The following UGT1A10 variants were observed in gnomAD, a reference collection of about 807,000 sequenced individuals.
UGT1A10 encodes UDP-glucuronosyltransferase 1A10.
In UGT1A10, 49 loss-of-function variants were observed where a neutral mutation model predicts 45.8. The ratio of observed to expected loss-of-function variants is 1.07; its 90% CI spans 0.85 to 1.36. The LOEUF (loss-of-function observed/expected upper bound fraction) is 1.36. UGT1A10 is among the 40% of genes most tolerant of loss of function. UGT1A10 has a pLI of 0.00. For missense variants in UGT1A10, 745 were observed against 668.6 expected (o/e 1.11, Z -1.26); for synonymous variants, 284 against 249.7 (o/e 1.14, Z -1.29).
At chr2:233,670,046 C>T (rs2074150857) in intron 1 of UGT1A10, among the ~76,000 whole-genome samples, 1 of 152,086 alleles carries the variant, frequency 6.6e-6, no homozygotes, top group South Asian at 2.1e-4. Flanking sequence ...CACTAGAAGC[C>T]TTACCAATAA....
intron 1 of UGT1A10, among the ~76,000 whole-genome samples, chr2:233,764,664 G>A (rs1266153786): frequency 6.6e-6 from 1 of 152,094 alleles, no homozygotes; most frequent in African/African-American, 2.4e-5. Flanking sequence ...ATTTACCAAC[G>A]CTCAGAAGAA....
intron 1 of UGT1A10, among the ~76,000 whole-genome samples, chr2:233,696,320 C>A (rs1433749193): frequency 6.6e-6 from 1 of 152,176 alleles, no homozygotes; most frequent in African/African-American, 2.4e-5. Flanking sequence ...TGGTCTTCAT[C>A]CTCATTTCCT....
intron 1 of UGT1A10, chr2:233,760,697 T>C (rs1697532735): frequency 6.2e-7 from 1 of 1,614,264 alleles, no homozygotes; most frequent in Non-Finnish European, 8.5e-7. Context: ...AAGGAGCTCA[T>C]GGCCTCCCTG....
rs183860423 is a variant in UGT1A10 at position 233,740,220 on chromosome 2, G to A, written c.856-26814G>A. On this transcript the variant is annotated intron_variant, in intron 1 of 4. Transcript: ENST00000344644. ...TTATAAATTACCCAGTCTCAGCTGC[G>A]TCTTTATAGCAGGCTGAGAATAGAC... 6.2e-3 allele frequency among the ~76,000 whole-genome samples: 938 copies of A among 151,912 alleles called. 14 individuals are homozygous for A. The highest frequency in any genetic ancestry group is 5.9e-3 in the Non-Finnish European group (404 of 68,030).
chr2:233,768,108 G>A (rs1445815158), intron 3 of UGT1A10, 112 bp from the exon 4 acceptor site: 1 of 1,594,814 alleles, frequency 6.3e-7, no homozygotes, highest in Non-Finnish European at 8.6e-7. Flanking sequence ...GCAAATTTCT[G>A]CAAGGGCATG....
At chr2:233,668,287 T>C (rs928624388) in intron 1 of UGT1A10, among the ~76,000 whole-genome samples, 4 of 152,180 alleles carry the variant, frequency 2.6e-5, no homozygotes, top group African/African-American at 9.7e-5. Flanking sequence ...ATCCCACCTA[T>C]GAGTGAGAAC....
intron 1 of UGT1A10, among the ~76,000 whole-genome samples, chr2:233,700,884 C>T (rs1424679595): frequency 6.6e-6 from 1 of 151,996 alleles, no homozygotes; most frequent in Admixed American, 6.6e-5. Flanking sequence ...CCCCCCACCC[C>T]ACAACAGTCC....
At chr2:233,692,951 T>C in intron 1 of UGT1A10, 1 of 1,602,764 alleles carries the variant, frequency 6.2e-7, no homozygotes. Flanking sequence ...AGGAGCCCTG[T>C]GATTTGGAGA....
rs1331273154 is a variant in UGT1A10 at position 233,755,158 on chromosome 2, C to T, written c.856-11876C>T. On this transcript the variant is annotated intron_variant, in intron 1 of 4. Coordinates refer to ENST00000344644, the MANE Select transcript of UGT1A10 (RefSeq NM_019075.4). ...AATCTTCTCACCGCTTCCTCCCTGT[C>T]CTCGGGGTTTTTGTCGGGGTGCCAC... 1.2e-4 allele frequency: 159 copies of T among 1,292,482 alleles called. 2 individuals are homozygous for T. Among genetic ancestry groups the T allele is most frequent in the Non-Finnish European group, 4.6e-5 (44 of 955,692 alleles). The allele number at this position is 1,292,482 out of a possible 1,614,324, so 80.1% of individuals were successfully genotyped here.
chr2:233,743,240 T>G (rs1692244875), intron 1 of UGT1A10: 1 of 425,178 alleles, frequency 2.4e-6, no homozygotes, highest in South Asian at 1.7e-5. Context: ...TATGAAGGAC[T>G]TTAACTCAAC....
chr2:233,667,115 T>A (rs1289551295), intron 1 of UGT1A10, among the ~76,000 whole-genome samples: 2 of 152,210 alleles, frequency 1.3e-5, no homozygotes, highest in African/African-American at 4.8e-5. Context: ...AACATACGTG[T>A]GCATGTGTCT....
At chr2:233,682,797 G>C (rs375716433) in intron 1 of UGT1A10, 257 of 1,610,126 alleles carry the variant, frequency 1.6e-4, no homozygotes, top group South Asian at 2.3e-4. Flanking sequence ...CCTATGGTAA[G>C]TTATCTCCCC....
At chr2:233,657,053 C>T (rs1333352415) in intron 1 of UGT1A10, among the ~76,000 whole-genome samples, 2 of 152,120 alleles carry the variant, frequency 1.3e-5, no homozygotes, top group African/African-American at 2.4e-5. Context: ...TGCTTCCCCT[C>T]ACCAGCTTCT....
At chr2:233,662,328 A>G (rs1236298631) in intron 1 of UGT1A10, among the ~76,000 whole-genome samples, 2 of 152,202 alleles carry the variant, frequency 1.3e-5, no homozygotes, top group South Asian at 2.1e-4. Context: ...ATTGTAGGCT[A>G]TGTGGCTTAT....
rs1191873899 is a variant in UGT1A10 at position 233,760,673 on chromosome 2, A to G, written c.856-6361A>G. The G allele has an allele frequency of 2.5e-6, 4 of 1,614,214 alleles. No homozygotes were observed. Among genetic ancestry groups the G allele is most frequent in the Non-Finnish European group, 3.4e-6 (4 of 1,180,038 alleles). Reference sequence around the variant, plus strand: ...GCTATGCTTTTGTCTGGCTGTTCCCACTTACTGCACAACAAGGAGCTCATG... The same window carrying G: ...GCTATGCTTTTGTCTGGCTGTTCCCGCTTACTGCACAACAAGGAGCTCATG... On this transcript the variant is annotated intron_variant, in intron 1 of 4. Coordinates refer to ENST00000344644, the MANE Select transcript of UGT1A10 (RefSeq NM_019075.4).
chr2:233,672,067 G>A (rs771914713), intron 1 of UGT1A10: 1 of 1,614,048 alleles, frequency 6.2e-7, no homozygotes, highest in African/African-American at 1.3e-5. Flanking sequence ...GAGGTCGGTG[G>A]TGGAGAAACT....
intron 1 of UGT1A10, among the ~76,000 whole-genome samples, chr2:233,726,112 G>A (rs1457987990): frequency 6.6e-6 from 1 of 152,176 alleles, no homozygotes; most frequent in Non-Finnish European, 1.5e-5. Flanking sequence ...GCTGCAGTGT[G>A]CCATGTTCAC....
At chr2:233,642,767 G>A (rs7569014) in intron 1 of UGT1A10, among the ~76,000 whole-genome samples, 9,840 of 152,268 alleles carry the variant, frequency 0.065, 553 homozygotes, top group African/African-American at 0.15. Context: ...TTGCAGACTT[G>A]TAGATGTATT....
chr2:233,758,250 G>A (rs564739721), intron 1 of UGT1A10, among the ~76,000 whole-genome samples: 109 of 152,302 alleles, frequency 7.2e-4, no homozygotes, highest in African/African-American at 2.6e-3. Context: ...CCACTATTCA[G>A]ATTAGTAAGT....
Sources: gnomAD v4.1 joint callset for allele counts (sites outside exome capture counted in the v4.1 genomes callset) on GRCh38, gnomAD v4.1.1 for gene constraint, MANE v1.5 for transcripts, NCBI Gene and HGNC (gene_info 2026-07-23, HGNC 2026-07-21) for gene names.